BCAS3: variants seen among roughly 807,000 people sequenced by gnomAD.
BCAS3 encodes the protein BCAS3 microtubule associated cell migration factor.
A neutral mutation model predicts 116.1 loss-of-function variants in BCAS3; 53 were observed. That is an observed-to-expected ratio of 0.46 (90% CI 0.37 to 0.57). The LOEUF (loss-of-function observed/expected upper bound fraction) is 0.57, where lower values mean the gene tolerates loss of function less well. BCAS3 is among the 20% of genes least tolerant of loss of function. The pLI, the probability that BCAS3 is intolerant of heterozygous loss-of-function variation, is 0.00. For synonymous variants in BCAS3, 391 were observed against 408.2 expected (o/e 0.96, Z 0.51); for missense variants, 917 against 1,165.4 (o/e 0.79, Z 3.10).
chr17:60,820,823 T>C (rs2049898210), intron 7 of BCAS3, among the ~76,000 whole-genome samples: 1 of 152,198 alleles, frequency 6.6e-6, no homozygotes, highest in Admixed American at 6.5e-5. Flanking sequence ...ATGGTTAAAC[T>C]GAGCCATGAA....
At chr17:61,061,967 C>G (rs113161012) in intron 19 of BCAS3, among the ~76,000 whole-genome samples, 842 of 152,144 alleles carry the variant, frequency 5.5e-3, no homozygotes, top group Non-Finnish European at 8.6e-3. Flanking sequence ...AGTAGCACAC[C>G]CCCTTTAAAA....
chr17:61,271,193 T>C (rs904813128), intron 22 of BCAS3, among the ~76,000 whole-genome samples: 2 of 138,230 alleles, frequency 1.4e-5, no homozygotes, highest in African/African-American at 5.4e-5. Flanking sequence ...AGTGGCACCA[T>C]CTCGGTTCAC....
intron 22 of BCAS3, among the ~76,000 whole-genome samples, chr17:61,201,783 G>A (rs962345274): frequency 6.1e-5 from 9 of 146,478 alleles, no homozygotes; most frequent in African/African-American, 2.1e-4. Context: ...TTTTGAGACA[G>A]GGTCTCGCTC....
At chr17:61,167,036 C>A (rs1288264490) in intron 22 of BCAS3, among the ~76,000 whole-genome samples, 1 of 152,172 alleles carries the variant, frequency 6.6e-6, no homozygotes, top group South Asian at 2.1e-4. Flanking sequence ...CAGGAGCTAC[C>A]ACGCCCAGCC....
chr17:60,924,658 A>T (rs2059279672), intron 13 of BCAS3, among the ~76,000 whole-genome samples, 158 bp downstream of exon 13: 1 of 151,998 alleles, frequency 6.6e-6, no homozygotes, highest in Non-Finnish European at 1.5e-5. Context: ...GGAATTTATA[A>T]TAAAAATTTA....
chr17:61,388,539 C>A lies in BCAS3; in HGVS notation c.2594-3438C>A. The A allele has an allele frequency of 7.2e-7, 1 of 1,393,654 alleles. No homozygotes were observed. The highest frequency in any genetic ancestry group is 9.7e-7 in the Non-Finnish European group (1 of 1,029,192). The allele number at this position is 1,393,654 out of a possible 1,614,324, so 86.3% of individuals were successfully genotyped here. A position where few individuals can be genotyped will look rare whatever the true frequency, so the allele number is the denominator to read the frequency against. On this transcript the variant is annotated intron_variant, in intron 23 of 23. Transcript: ENST00000407086. This position sits in a 1 kb window ranked among gnomAD's most constrained non-coding sequence, Gnocchi z 6.5. ...GCGCCTCCTGACACCTCTCCACCTGCTTGCAGAGATCAGTGTACTTCTCAA... is the reference window on the plus strand; with the variant it reads ...GCGCCTCCTGACACCTCTCCACCTGATTGCAGAGATCAGTGTACTTCTCAA...
intron 5 of BCAS3, among the ~76,000 whole-genome samples, chr17:60,733,897 T>C (rs766277505): frequency 7.3e-5 from 11 of 150,770 alleles, no homozygotes; most frequent in Non-Finnish European, 1.2e-4. Flanking sequence ...GTTCTTTATA[T>C]ATTTTAGATA....
chr17:60,931,564 A>G (rs1297665897), intron 13 of BCAS3, among the ~76,000 whole-genome samples: 1 of 152,134 alleles, frequency 6.6e-6, no homozygotes. Flanking sequence ...GGTGTGAGCT[A>G]CCACACCCGG....
In BCAS3 at chr17:60,924,517, T is replaced by TCCGA; in HGVS notation, c.1087+18_1087+19insCGAC. 2 of 1,491,128 alleles carry TCCGA rather than the reference T, an allele frequency of 1.3e-6. No homozygotes were observed. The highest frequency in any genetic ancestry group is 1.8e-6 in the Non-Finnish European group (2 of 1,106,596). 92.4% of individuals were successfully genotyped at this position (1,491,128 alleles called of 1,614,324 possible). Reference sequence around the variant, plus strand: ...ATACAAGTGGTAAGTTCGCTCTCTGTCTTTTTTTTTTTTTTTTTTGTAGAC... The same window carrying TCCGA: ...ATACAAGTGGTAAGTTCGCTCTCTGTCCGACTTTTTTTTTTTTTTTTTTGTAGAC... On this transcript the variant is annotated intron_variant, in intron 13 of 23. Transcript: ENST00000407086.
At chr17:61,015,684 C>CGGAGATAGAGAACG (rs1017489650) in intron 15 of BCAS3, 67 bp from the exon 16 acceptor site, 3 of 1,511,726 alleles carry the variant, frequency 2.0e-6, no homozygotes, top group African/African-American at 2.8e-5. Context: ...AAAACCCTAT[C>CGGAGATAGAGAACG]GGAGATAGAG....
In BCAS3 at chr17:60,960,810, C is replaced by G. The variant is rs1221235286; in HGVS notation, c.1221+13458C>G. ...TTTTTTTTTTAATCATGCCTTTGTG[C>G]CTTTCAGTCCAAGATGGCGGTGTTT... On this transcript the variant is annotated intron_variant, in intron 14 of 23. Transcript: ENST00000407086. The surrounding 1 kb of genome is among the most constrained non-coding windows in gnomAD (Gnocchi z 4.1). 1.3e-5 allele frequency among the ~76,000 whole-genome samples: 2 copies of G among 151,304 alleles called. No homozygotes were observed. Among genetic ancestry groups the G allele is most frequent in the African/African-American group, 4.9e-5 (2 of 41,108 alleles).
At chr17:61,071,570 C>G (rs550838668) in intron 19 of BCAS3, among the ~76,000 whole-genome samples, 1 of 152,274 alleles carries the variant, frequency 6.6e-6, no homozygotes, top group East Asian at 1.9e-4. Flanking sequence ...TGTTAATGGT[C>G]TGAGGACCAC....
Position 61,392,617 on chromosome 17 carries a change from G to A in BCAS3, c.*492G>A. On this transcript the variant is annotated 3_prime_UTR_variant, in exon 24 of 24. Transcript: ENST00000407086. The surrounding 1 kb of genome is among the most constrained non-coding windows in gnomAD (Gnocchi z 6.4). ...GGTCAGCCCCACTCCAGCACGGGGT[G>A]AACGGAGGCCCAGAGTACTAGGGAA... The A allele has an allele frequency of 6.4e-6, 1 of 155,974 alleles. No individual in the cohort carries two copies. Among genetic ancestry groups the A allele is most frequent in the Non-Finnish European group, 1.4e-5 (1 of 70,736 alleles). The allele number at this position is 155,974 out of a possible 1,614,324, so 9.7% of individuals were successfully genotyped here.
intron 22 of BCAS3, among the ~76,000 whole-genome samples, chr17:61,146,574 C>T (rs1225817658): frequency 1.3e-5 from 2 of 152,160 alleles, no homozygotes; most frequent in African/African-American, 4.8e-5. Context: ...TGGTAGTTTT[C>T]ATGGCTTTCA....
chr17:61,322,864 G>C (rs867327485), intron 22 of BCAS3, among the ~76,000 whole-genome samples: 24 of 148,388 alleles, frequency 1.6e-4, no homozygotes, highest in African/African-American at 4.6e-4. Flanking sequence ...GACAGAGAGA[G>C]AGAGAGAGAG....
At chr17:60,952,225 A>G (rs1447670359) in intron 14 of BCAS3, among the ~76,000 whole-genome samples, 1 of 152,190 alleles carries the variant, frequency 6.6e-6, no homozygotes, top group Non-Finnish European at 1.5e-5. Context: ...AAAGACAGGA[A>G]ATGGGTTTGC....
chr17:61,148,378 T>G (rs1009521918), intron 22 of BCAS3, among the ~76,000 whole-genome samples: 1 of 152,222 alleles, frequency 6.6e-6, no homozygotes, highest in African/African-American at 2.4e-5. Context: ...TTCCAAACAC[T>G]GTGTTAAACC....
chr17:60,852,755 C>T (rs1429211422), intron 7 of BCAS3, among the ~76,000 whole-genome samples: 1 of 152,032 alleles, frequency 6.6e-6, no homozygotes, highest in Non-Finnish European at 1.5e-5. Flanking sequence ...CAATTGGATA[C>T]CACAGTTTTA....
rs2048745097 is a variant in BCAS3, at chr17:60,810,868, A to G, written c.476+2792A>G. 5.7e-6 allele frequency: 4 copies of G among 702,704 alleles called. 1 individual carries two copies. Among genetic ancestry groups the G allele is most frequent in the South Asian group, 5.5e-5 (4 of 72,850 alleles). 43.5% of individuals were successfully genotyped at this position (702,704 alleles called of 1,614,324 possible). ...CCAGACTGCCAGCTCTGGGTTGACC[A>G]TGGAGGTAGATGCCCCCAAATCTCA... On this transcript the variant is annotated intron_variant, in intron 7 of 23. Coordinates refer to ENST00000407086, the MANE Select transcript of BCAS3 (RefSeq NM_017679.5).
Sources: gnomAD v4.1 joint callset for allele counts (sites outside exome capture counted in the v4.1 genomes callset) on GRCh38, gnomAD v4.1.1 for gene constraint, Gnocchi (gnomAD v3.1) non-coding constraint, MANE v1.5 for transcripts, NCBI Gene and HGNC (gene_info 2026-07-23, HGNC 2026-07-21) for gene names.